LRFN2: variants seen among roughly 807,000 people sequenced by gnomAD.
LRFN2 encodes leucine rich repeat and fibronectin type III domain containing 2.
A neutral mutation model predicts 37.3 loss-of-function variants in LRFN2; 18 were observed. The ratio of observed to expected loss-of-function variants is 0.48; its 90% CI spans 0.33 to 0.72. The LOEUF is 0.72. LRFN2 is among the 30% of genes least tolerant of loss of function. LRFN2 has a pLI of 0.02. For missense variants in LRFN2, 1,006 were observed against 1,060.7 expected (o/e 0.95, Z 0.72); for synonymous variants, 556 against 466.6 (o/e 1.19, Z -2.47).
chr6:40,476,137 T>C (rs1202297159), intron 1 of LRFN2, among the ~76,000 whole-genome samples: 1 of 152,218 alleles, frequency 6.6e-6, no homozygotes, highest in Non-Finnish European at 1.5e-5. Context: ...GCCACAACCC[T>C]GTACCTTAGT....
intron 1 of LRFN2, among the ~76,000 whole-genome samples, chr6:40,460,624 G>T (rs952147942): frequency 3.9e-5 from 6 of 152,180 alleles, no homozygotes; most frequent in African/African-American, 1.4e-4. Context: ...TGTAGCAAGA[G>T]CATTACCATA....
At chr6:40,487,749 G>A (rs1764998126) in intron 1 of LRFN2, among the ~76,000 whole-genome samples, 1 of 152,208 alleles carries the variant, frequency 6.6e-6, no homozygotes, top group African/African-American at 2.4e-5. Context: ...GAAACCAAAG[G>A]AAGCTACCAG....
chr6:40,420,193 C>T (rs1316923551), intron 2 of LRFN2, among the ~76,000 whole-genome samples: 1 of 152,238 alleles, frequency 6.6e-6, no homozygotes, highest in Non-Finnish European at 1.5e-5. Context: ...ATCCACAGTG[C>T]TTGGCTGCAT....
At chr6:40,393,480 G>A (rs1301738883) in intron 2 of LRFN2, among the ~76,000 whole-genome samples, 5 of 152,026 alleles carry the variant, frequency 3.3e-5, no homozygotes, top group Non-Finnish European at 7.4e-5. Context: ...AGAGGTGGAG[G>A]GAAAGAGGAG....
intron 1 of LRFN2, among the ~76,000 whole-genome samples, chr6:40,515,994 T>C (rs1248828018): frequency 6.6e-6 from 1 of 152,110 alleles, no homozygotes; most frequent in Non-Finnish European, 1.5e-5. Flanking sequence ...ATTCTGAGGC[T>C]TGATGGTTTC....
intron 1 of LRFN2, among the ~76,000 whole-genome samples, chr6:40,565,337 C>T (rs1452726884): frequency 6.6e-6 from 1 of 152,128 alleles, no homozygotes; most frequent in Non-Finnish European, 1.5e-5. Flanking sequence ...TCAATGCCAT[C>T]CCCATCAAGC....
chr6:40,432,752 C>T lies in LRFN2; in HGVS notation c.362G>A (p.Arg121Gln), dbSNP rs751353594. Residue 121 changes from arginine (R) to glutamine (Q), a missense_variant, in exon 2 of 3, where the codon CGG (arginine) becomes CAG (glutamine). Coordinates refer to ENST00000338305, the MANE Select transcript of LRFN2 (RefSeq NM_020737.3). ...AAGGTGCTGCAGGTTGACCAGGCCC[C>T]GGAGGGTGTCCTCCCCAAGGCTTGG... ...RLPSLGEDTL[R>Q]GLVNLQHLIV... The T allele has an allele frequency of 9.3e-6, 15 of 1,614,032 alleles. No individual in the cohort carries two copies. Among genetic ancestry groups the T allele is most frequent in the African/African-American group, 2.7e-5 (2 of 74,934 alleles).
At chr6:40,573,207 G>A (rs989119436) in intron 1 of LRFN2, among the ~76,000 whole-genome samples, 2 of 152,298 alleles carry the variant, frequency 1.3e-5, no homozygotes, top group East Asian at 1.9e-4. Flanking sequence ...CTATAGAACA[G>A]GTTTAAAAGT....
At chr6:40,425,699 C>T (rs1763337269) in intron 2 of LRFN2, among the ~76,000 whole-genome samples, 1 of 152,234 alleles carries the variant, frequency 6.6e-6, no homozygotes, top group Admixed American at 6.5e-5. Context: ...AGGCCAGGCC[C>T]TGCTGGTGGA....
At chr6:40,413,202 C>T (rs190899948) in intron 2 of LRFN2, among the ~76,000 whole-genome samples, 7 of 152,272 alleles carry the variant, frequency 4.6e-5, no homozygotes, top group East Asian at 3.9e-4. Flanking sequence ...TCATGGCTCC[C>T]GCAGCTCTGA....
chr6:40,552,318 T>TA (rs1766792106), intron 1 of LRFN2, among the ~76,000 whole-genome samples: 1 of 152,230 alleles, frequency 6.6e-6, no homozygotes, highest in African/African-American at 2.4e-5. Flanking sequence ...GGGATCTTGT[T>TA]AAAATGCCAA....
chr6:40,554,909 A>G (rs1477549550), intron 1 of LRFN2, among the ~76,000 whole-genome samples: 1 of 152,244 alleles, frequency 6.6e-6, no homozygotes, highest in African/African-American at 2.4e-5. Flanking sequence ...GCAGGAGGTA[A>G]GGGCAACATT....
intron 2 of LRFN2, among the ~76,000 whole-genome samples, chr6:40,406,687 G>C (rs141613966): frequency 6.6e-6 from 1 of 152,312 alleles, no homozygotes; most frequent in African/African-American, 2.4e-5. Flanking sequence ...GACAGACTGC[G>C]TCTTCCTCCC....
Position 40,398,513 on chromosome 6 carries a change from A to G in LRFN2, c.1401-5601T>C, listed in dbSNP as rs555908735. ...TGCAGGGCAAGGCGGAGGAGGGGAGAGTGGATCCCGAGGGACAATAGATAA... is the reference window on the plus strand; with the variant it reads ...TGCAGGGCAAGGCGGAGGAGGGGAGGGTGGATCCCGAGGGACAATAGATAA... On this transcript the variant is annotated intron_variant, in intron 2 of 2. Coordinates refer to ENST00000338305, the MANE Select transcript of LRFN2 (RefSeq NM_020737.3). 1.4e-4 allele frequency among the ~76,000 whole-genome samples: 21 copies of G among 151,802 alleles called. No individual in the cohort carries two copies. In the South Asian group the frequency reaches 4.4e-3, roughly 32 times the overall value.
In LRFN2 at chr6:40,456,438, T is replaced by A. The variant is rs558893016; in HGVS notation, c.-18-23307A>T. Among the ~76,000 whole-genome samples, 43 of 152,342 alleles carry A rather than the reference T, an allele frequency of 2.8e-4. No homozygotes were observed. The East Asian group carries it at 6.2e-3, about 22-fold the overall frequency. On this transcript the variant is annotated intron_variant, in intron 1 of 2. Transcript: ENST00000338305. ...TAGACCCAGGTATGTCGATGACATG[T>A]GTTTCCTAAGCCTGAAGTAGCCTAC...
At chr6:40,409,620 C>T (rs969057239) in intron 2 of LRFN2, among the ~76,000 whole-genome samples, 4 of 152,130 alleles carry the variant, frequency 2.6e-5, no homozygotes, top group African/African-American at 4.8e-5. Context: ...ATCTGTCAAA[C>T]GGGAATGAGA....
chr6:40,411,575 C>T (rs1762968426), intron 2 of LRFN2, among the ~76,000 whole-genome samples: 1 of 152,150 alleles, frequency 6.6e-6, no homozygotes, highest in South Asian at 2.1e-4. Flanking sequence ...GCCCACCCTG[C>T]CCTGCACTCT....
intron 1 of LRFN2, among the ~76,000 whole-genome samples, chr6:40,580,556 C>G (rs1000231385): frequency 1.3e-5 from 2 of 152,178 alleles, no homozygotes; most frequent in African/African-American, 4.8e-5. Context: ...TCATCCTGAC[C>G]CTGCTACCTG....
At chr6:40,541,703 T>C (rs933332169) in intron 1 of LRFN2, among the ~76,000 whole-genome samples, 3 of 152,020 alleles carry the variant, frequency 2.0e-5, no homozygotes, top group African/African-American at 7.3e-5. Context: ...CGACCACAGG[T>C]GTAGGTAACA....
Sources: allele counts gnomAD v4.1 joint callset (sites outside exome capture counted in the v4.1 genomes callset), GRCh38; gene constraint gnomAD v4.1.1; transcripts MANE v1.5; gene names NCBI Gene and HGNC (gene_info 2026-07-23, HGNC 2026-07-21).